Variants in GALNT7 observed in about 807,000 individuals in gnomAD.
The protein encoded by GALNT7 is polypeptide N-acetylgalactosaminyltransferase 7.
In GALNT7, 60 loss-of-function variants were observed where a neutral mutation model predicts 82.1. That is an observed-to-expected ratio of 0.73 (90% CI 0.59 to 0.91). The LOEUF (loss-of-function observed/expected upper bound fraction) is 0.91, where lower values mean the gene tolerates loss of function less well. Among genes scored for constraint, GALNT7 ranks in the 40% least tolerant of loss-of-function variants. The pLI is 0.00. For synonymous variants in GALNT7, 243 were observed against 275.1 expected (o/e 0.88, Z 1.15); for missense variants, 660 against 804.2 (o/e 0.82, Z 2.17).
intron 2 of GALNT7, among the ~76,000 whole-genome samples, chr4:173,283,233 T>G (rs767550450): frequency 1.9e-4 from 29 of 152,216 alleles, no homozygotes; most frequent in Non-Finnish European, 4.0e-4. Context: ...AAAATAGACT[T>G]TAGTTTTAAA....
intron 5 of GALNT7, among the ~76,000 whole-genome samples, chr4:173,297,021 T>C (rs1307389922): frequency 1.3e-5 from 2 of 152,194 alleles, no homozygotes; most frequent in Non-Finnish European, 2.9e-5. Flanking sequence ...GGAAAATAGA[T>C]TTTAAAATCC....
At chr4:173,216,056 A>G (rs1442814158) in intron 1 of GALNT7, among the ~76,000 whole-genome samples, 1 of 152,208 alleles carries the variant, frequency 6.6e-6, no homozygotes, top group Non-Finnish European at 1.5e-5. Flanking sequence ...CCTGAAAAGC[A>G]GATGTTGCAG....
At chr4:173,315,649 A>G (rs1737572391) in intron 9 of GALNT7, among the ~76,000 whole-genome samples, 1 of 151,200 alleles carries the variant, frequency 6.6e-6, no homozygotes, top group Non-Finnish European at 1.5e-5. Flanking sequence ...TTGCTTTAAT[A>G]TACTTTTTCC....
At position 173,298,453 on chromosome 4, in the gene GALNT7, C is replaced by T. The variant is rs1469367758; in HGVS notation, c.1148+156C>T. Reference sequence around the variant, plus strand: ...ACACTGTTTCAGAGCTTTCAATCTGCTCCATTTGCTCCATTGTAATTGCTT... The same window carrying T: ...ACACTGTTTCAGAGCTTTCAATCTGTTCCATTTGCTCCATTGTAATTGCTT... On this transcript the variant is annotated intron_variant, in intron 6 of 11. Coordinates refer to ENST00000265000, the MANE Select transcript of GALNT7 (RefSeq NM_017423.3). 8.9e-6 allele frequency: 5 copies of T among 558,802 alleles called. No homozygotes were observed. In the East Asian group the frequency reaches 9.2e-5, roughly 10 times the overall value. 34.6% of individuals were successfully genotyped at this position (558,802 alleles called of 1,614,324 possible).
chr4:173,285,641 CTTA>C (rs1736293593), intron 2 of GALNT7, among the ~76,000 whole-genome samples: 1 of 152,140 alleles, frequency 6.6e-6, no homozygotes, highest in Non-Finnish European at 1.5e-5. Flanking sequence ...TATTTCAGTG[CTTA>C]TTATTCTTAG....
intron 1 of GALNT7, among the ~76,000 whole-genome samples, chr4:173,240,357 A>ATTT (rs869162691): frequency 5.0e-4 from 52 of 104,140 alleles, no homozygotes; most frequent in African/African-American, 1.3e-3. Context: ...ACACTGGCTA[A>ATTT]TTTTTTTTTT....
chr4:173,296,037 C>A (rs916134655), intron 5 of GALNT7, among the ~76,000 whole-genome samples, 194 bp downstream of exon 5: 3 of 152,224 alleles, frequency 2.0e-5, no homozygotes, highest in Non-Finnish European at 4.4e-5. Flanking sequence ...GGCAGTCTGG[C>A]ATTTGGGAGA....
intron 1 of GALNT7, among the ~76,000 whole-genome samples, chr4:173,177,912 G>A (rs1732103142): frequency 6.6e-6 from 1 of 151,966 alleles, no homozygotes; most frequent in Non-Finnish European, 1.5e-5. Flanking sequence ...TTTTATTAGA[G>A]AACTGTAACT....
chr4:173,318,571 T>G lies in GALNT7; in HGVS notation c.1836+12T>G, dbSNP rs1186484383. 6.7e-7 allele frequency: 1 copy of G among 1,485,340 alleles called. No individual in the cohort carries two copies. The highest frequency in any genetic ancestry group is 1.2e-5 in the South Asian group (1 of 86,574). 92.0% of individuals were successfully genotyped at this position (1,485,340 alleles called of 1,614,324 possible). The stretch of plus-strand genomic sequence containing the variant: ...GGCAGTACTTCAAGGTATTCTGCAT[T>G]TTAACTTCTGAAATATTATATGCTT... On this transcript the variant is annotated intron_variant, in intron 11 of 11. Transcript: ENST00000265000.
At chr4:173,198,169 C>T (rs1732834315) in intron 1 of GALNT7, among the ~76,000 whole-genome samples, 1 of 151,860 alleles carries the variant, frequency 6.6e-6, no homozygotes, top group South Asian at 2.1e-4. Flanking sequence ...ACGCCATTCT[C>T]CCGCCTCAGC....
intron 2 of GALNT7, among the ~76,000 whole-genome samples, chr4:173,257,579 T>A (rs1735090808): frequency 6.6e-6 from 1 of 152,218 alleles, no homozygotes; most frequent in East Asian, 1.9e-4. Flanking sequence ...TTCAGTAAAC[T>A]TTTAGTCTGT....
chr4:173,266,460 A>G (rs955646932), intron 2 of GALNT7, among the ~76,000 whole-genome samples: 3 of 152,220 alleles, frequency 2.0e-5, no homozygotes, highest in African/African-American at 7.2e-5. Context: ...ATACCAGACA[A>G]AAGAGCACGA....
At chr4:173,175,333 C>A (rs1198022912) in intron 1 of GALNT7, among the ~76,000 whole-genome samples, 4 of 152,232 alleles carry the variant, frequency 2.6e-5, no homozygotes, top group African/African-American at 9.6e-5. Context: ...CAACCACCCT[C>A]TATTGCAAGT....
rs146693461 is a variant in GALNT7 at position 173,223,574 on chromosome 4, C to T, written c.127-24406C>T. On this transcript the variant is annotated intron_variant, in intron 1 of 11. Transcript: ENST00000265000. The stretch of plus-strand genomic sequence containing the variant: ...CTCTTGGAATAAACTTAACTCTTTT[C>T]CATAAATGAGACCCCCACCCCCCGC... Among the ~76,000 whole-genome samples the T allele has an allele frequency of 1.9e-3, 287 of 152,152 alleles. 1 individual carries two copies. The highest frequency in any genetic ancestry group is 6.6e-3 in the African/African-American group (274 of 41,504).
At chr4:173,266,002 A>C (rs1489784079) in intron 2 of GALNT7, among the ~76,000 whole-genome samples, 3 of 152,152 alleles carry the variant, frequency 2.0e-5, no homozygotes, top group Non-Finnish European at 4.4e-5. Flanking sequence ...TCATGCCTGT[A>C]ATCCCAGCAC....
intron 2 of GALNT7, among the ~76,000 whole-genome samples, chr4:173,261,436 G>A (rs959877235): frequency 6.6e-6 from 1 of 151,656 alleles, no homozygotes. Flanking sequence ...GGTTGAATGA[G>A]GCAATGTTAT....
At chr4:173,197,793 TG>T (rs1294068131) in intron 1 of GALNT7, among the ~76,000 whole-genome samples, 7 of 152,050 alleles carry the variant, frequency 4.6e-5, no homozygotes, top group Admixed American at 3.3e-4. Flanking sequence ...GGGAGGAGGA[TG>T]GGCTTTGGGA....
rs1737833170 is a variant in GALNT7, at chr4:173,321,883, C to T, written c.*166C>T. 1 of 546,210 alleles carries T rather than the reference C, an allele frequency of 1.8e-6. No individual in the cohort carries two copies. The allele number at this position is 546,210 out of a possible 1,614,324, so 33.8% of individuals were successfully genotyped here. ...TTGATAAACTGTGATTTTACAATAA[C>T]ATTATCATCTGCAGTTACTGTTTAC... On this transcript the variant is annotated 3_prime_UTR_variant, in exon 12 of 12. Coordinates refer to ENST00000265000, the MANE Select transcript of GALNT7 (RefSeq NM_017423.3).
chr4:173,179,066 G>GT (rs1464466300), intron 1 of GALNT7, among the ~76,000 whole-genome samples: 1 of 152,154 alleles, frequency 6.6e-6, no homozygotes, highest in African/African-American at 2.4e-5. Flanking sequence ...GGCATTTGTA[G>GT]TTACCTTTAT....
Sources: gnomAD v4.1 joint callset for allele counts (sites outside exome capture counted in the v4.1 genomes callset) on GRCh38, gnomAD v4.1.1 for gene constraint, MANE v1.5 for transcripts, NCBI Gene and HGNC (gene_info 2026-07-23, HGNC 2026-07-21) for gene names.